The following NTM variants were observed in gnomAD, a reference collection of about 807,000 sequenced individuals.
NTM encodes IgLON family member 2.
In NTM, 13 loss-of-function variants were observed where a neutral mutation model predicts 42.1. That is an observed-to-expected ratio of 0.31 (90% CI 0.20 to 0.49). NTM has a LOEUF of 0.49. NTM is among the 20% of genes least tolerant of loss of function. The pLI is 0.99. For synonymous variants in NTM, 187 were observed against 179.2 expected (o/e 1.04, Z -0.35); for missense variants, 373 against 452.8 (o/e 0.82, Z 1.60).
At chr11:131,725,690 T>A (rs2078880411) in intron 1 of NTM, among the ~76,000 whole-genome samples, 1 of 152,174 alleles carries the variant, frequency 6.6e-6, no homozygotes, top group Non-Finnish European at 1.5e-5. Context: ...GCAATGCACC[T>A]ATAGGGCCTT....
At chr11:131,511,004 G>A (rs987495980) in intron 1 of NTM, among the ~76,000 whole-genome samples, 3 of 152,168 alleles carry the variant, frequency 2.0e-5, no homozygotes, top group East Asian at 1.9e-4. Flanking sequence ...CTTAAAGTGC[G>A]GTTTGAGGAA....
chr11:131,751,803 T>C (rs2082592612), intron 1 of NTM, among the ~76,000 whole-genome samples: 1 of 130,410 alleles, frequency 7.7e-6, no homozygotes, highest in Admixed American at 7.4e-5. Context: ...CATTTGTAGC[T>C]ATATAATTAT....
chr11:131,808,604 G>C (rs1592001779), intron 1 of NTM, among the ~76,000 whole-genome samples: 1 of 152,184 alleles, frequency 6.6e-6, no homozygotes, highest in South Asian at 2.1e-4. Flanking sequence ...AGTGGACCAG[G>C]TGTTGGTCCG....
intron 2 of NTM, among the ~76,000 whole-genome samples, chr11:131,996,168 A>G (rs2067979063): frequency 6.6e-6 from 1 of 152,160 alleles, no homozygotes; most frequent in Admixed American, 6.5e-5. Flanking sequence ...ACATCTGAAG[A>G]GTTTTCAGTA....
chr11:131,541,707 G>A (rs1437810653), intron 1 of NTM, among the ~76,000 whole-genome samples: 1 of 152,118 alleles, frequency 6.6e-6, no homozygotes, highest in Non-Finnish European at 1.5e-5. Context: ...TCTAAAATAG[G>A]GCCTGTAGAG....
At chr11:131,698,050 T>G (rs1420054551) in intron 1 of NTM, among the ~76,000 whole-genome samples, 1 of 152,194 alleles carries the variant, frequency 6.6e-6, no homozygotes, top group Non-Finnish European at 1.5e-5. Flanking sequence ...ACACATTCCC[T>G]GCAGAGACAC....
intron 3 of NTM, among the ~76,000 whole-genome samples, chr11:132,175,705 A>G (rs2076706869): frequency 6.6e-6 from 1 of 151,776 alleles, no homozygotes; most frequent in South Asian, 2.1e-4. Flanking sequence ...CTCCTGCCTC[A>G]GCCTCCCGAG....
chr11:131,599,822 A>G (rs2060310087), intron 1 of NTM, among the ~76,000 whole-genome samples: 1 of 152,200 alleles, frequency 6.6e-6, no homozygotes, highest in South Asian at 2.1e-4. Context: ...CCCATGAAGA[A>G]TGGTTGGGGA....
intron 2 of NTM, among the ~76,000 whole-genome samples, chr11:132,050,041 C>G (rs567334596): frequency 6.6e-6 from 1 of 152,240 alleles, no homozygotes; most frequent in South Asian, 2.1e-4. Context: ...TAGGCTATCC[C>G]AAAAGGCAGT....
At chr11:132,259,509 A>T (rs1473585820) in intron 4 of NTM, among the ~76,000 whole-genome samples, 1 of 151,826 alleles carries the variant, frequency 6.6e-6, no homozygotes, top group Non-Finnish European at 1.5e-5. Flanking sequence ...GTGAAACACC[A>T]TCTCTACTAA....
chr11:131,732,917 A>G (rs994604852), intron 1 of NTM, among the ~76,000 whole-genome samples: 2 of 152,152 alleles, frequency 1.3e-5, no homozygotes, highest in Admixed American at 1.3e-4. Context: ...AATGTTTTAC[A>G]TTAATATTAT....
chr11:132,278,185 T>C (rs757260096), intron 4 of NTM, among the ~76,000 whole-genome samples: 2 of 152,240 alleles, frequency 1.3e-5, no homozygotes, highest in Admixed American at 1.3e-4. Flanking sequence ...GCTTGGCCTC[T>C]GTTGTACTTA....
chr11:131,432,839 C>CATTTT (rs1565494793), intron 1 of NTM, among the ~76,000 whole-genome samples: 18 of 68,690 alleles, frequency 2.6e-4, no homozygotes, highest in Non-Finnish European at 3.1e-4. Context: ...ATTTAGCATT[C>CATTTT]TTTTTTTTTT....
chr11:131,692,428 A>G (rs1483889333), intron 1 of NTM, among the ~76,000 whole-genome samples: 1 of 152,148 alleles, frequency 6.6e-6, no homozygotes, highest in Non-Finnish European at 1.5e-5. Context: ...TGATGCTGAC[A>G]CAGGGCTAGC....
At chr11:131,530,153 C>A (rs2051046829) in intron 1 of NTM, among the ~76,000 whole-genome samples, 1 of 152,166 alleles carries the variant, frequency 6.6e-6, no homozygotes, top group African/African-American at 2.4e-5. Flanking sequence ...CACTTTAAGG[C>A]AAGGACAGTG....
At chr11:132,239,632 A>C (rs1261845150) in intron 4 of NTM, among the ~76,000 whole-genome samples, 1 of 152,190 alleles carries the variant, frequency 6.6e-6, no homozygotes, top group African/African-American at 2.4e-5. Flanking sequence ...TAAATTGGGA[A>C]TGTCTTTTAC....
intron 1 of NTM, among the ~76,000 whole-genome samples, chr11:131,576,456 C>T (rs548091525): frequency 4.0e-4 from 61 of 152,292 alleles, no homozygotes; most frequent in Non-Finnish European, 7.9e-4. Flanking sequence ...TTGTCTTATA[C>T]TTTTGCTCGA....
chr11:131,910,938 C>A (rs2054780355), intron 1 of NTM: 1 of 988,196 alleles, frequency 1.0e-6, no homozygotes, highest in Non-Finnish European at 1.2e-6. Flanking sequence ...CCTGCGCCTC[C>A]CGCGAGCTCC....
At chr11:132,068,467 TC>T (rs1310403838) in intron 2 of NTM, among the ~76,000 whole-genome samples, 7 of 152,176 alleles carry the variant, frequency 4.6e-5, no homozygotes, top group Admixed American at 4.6e-4. Context: ...ACAACATGCT[TC>T]TAATTTTTTT....
Sources: allele counts gnomAD v4.1 joint callset (sites outside exome capture counted in the v4.1 genomes callset), GRCh38; gene constraint gnomAD v4.1.1; transcripts MANE v1.5; gene names NCBI Gene and HGNC (gene_info 2026-07-23, HGNC 2026-07-21).